The following EPB41L2 variants were observed in gnomAD, a reference collection of about 807,000 sequenced individuals.
The protein encoded by EPB41L2 is band 4.1-like protein 2.
In EPB41L2, 43 loss-of-function variants were observed where a neutral mutation model predicts 113.0. The ratio of observed to expected loss-of-function variants is 0.38; its 90% CI spans 0.30 to 0.49. The LOEUF is 0.49. EPB41L2 is among the 20% of genes least tolerant of loss of function. The pLI, the probability that EPB41L2 is intolerant of heterozygous loss-of-function variation, is 0.95. For synonymous variants in EPB41L2, 442 were observed against 436.7 expected (o/e 1.01, Z -0.15); for missense variants, 1,147 against 1,223.4 (o/e 0.94, Z 0.93).
intron 19 of EPB41L2, among the ~76,000 whole-genome samples, chr6:130,848,670 C>G (rs980385975): frequency 6.6e-6 from 1 of 152,154 alleles, no homozygotes; most frequent in Non-Finnish European, 1.5e-5. Context: ...TATTTTGATG[C>G]AAGAAAGCAT....
chr6:130,878,043 CAATTT>C (rs1299416346), intron 14 of EPB41L2, 56 bp downstream of exon 14: 1 of 1,476,496 alleles, frequency 6.8e-7, no homozygotes, highest in Non-Finnish European at 9.0e-7. Flanking sequence ...TAGAGATTAA[CAATTT>C]AAGTTTTATT....
intron 1 of EPB41L2, among the ~76,000 whole-genome samples, chr6:131,005,632 G>A (rs912925728): frequency 3.7e-4 from 57 of 152,182 alleles, no homozygotes; most frequent in African/African-American, 1.3e-3. Context: ...GCACAGGGCA[G>A]AAGACTATGC....
intron 1 of EPB41L2, among the ~76,000 whole-genome samples, chr6:131,018,227 C>T (rs1788677071): frequency 6.6e-6 from 1 of 152,158 alleles, no homozygotes; most frequent in African/African-American, 2.4e-5. Flanking sequence ...ATTTTCACCT[C>T]TGCAAGACAG....
intron 15 of EPB41L2, 131 bp downstream of exon 15, chr6:130,869,432 C>T (rs1215589457): frequency 2.3e-6 from 2 of 874,042 alleles, no homozygotes; most frequent in East Asian, 5.3e-5. Context: ...CCCCCTTCCT[C>T]CCATGAGAGA....
chr6:130,996,801 G>C (rs1223592037), intron 1 of EPB41L2, among the ~76,000 whole-genome samples: 2 of 152,198 alleles, frequency 1.3e-5, no homozygotes, highest in African/African-American at 4.8e-5. Flanking sequence ...AATTATTCCT[G>C]AAATGTGGGT....
rs1208290961 is a variant in EPB41L2, at chr6:130,867,447, GA to G, written c.2730+11del. 1 of 1,613,716 alleles carries G rather than the reference GA, an allele frequency of 6.2e-7. No individual in the cohort carries two copies. Among genetic ancestry groups the G allele is most frequent in the East Asian group, 2.2e-5 (1 of 44,856 alleles). On this transcript the variant is annotated intron_variant, in intron 16 of 19. Transcript: ENST00000337057. The stretch of plus-strand genomic sequence containing the variant: ...AAAGAGCTCGAACAGTCCAAGTCTA[GA>G]GCTTTTGTACCTGTGGAGACTCATA...
chr6:130,914,919 G>A (rs1800468012), intron 4 of EPB41L2, among the ~76,000 whole-genome samples: 1 of 152,236 alleles, frequency 6.6e-6, no homozygotes, highest in Admixed American at 6.5e-5. Context: ...GGTAAAATAA[G>A]AGACTAATAA....
intron 1 of EPB41L2, among the ~76,000 whole-genome samples, chr6:131,044,045 A>G (rs1794963883): frequency 7.4e-6 from 1 of 134,542 alleles, no homozygotes; most frequent in Non-Finnish European, 1.5e-5. Flanking sequence ...TTTTTGAGAC[A>G]GGGTCTCACT....
chr6:130,920,676 T>G (rs905716704), intron 4 of EPB41L2, among the ~76,000 whole-genome samples: 1 of 152,076 alleles, frequency 6.6e-6, no homozygotes, highest in East Asian at 1.9e-4. Flanking sequence ...GCCTGGCTAA[T>G]TTTTTAATTT....
intron 14 of EPB41L2, among the ~76,000 whole-genome samples, chr6:130,871,845 C>CATT (rs1785792418): frequency 6.6e-6 from 1 of 152,126 alleles, no homozygotes. Context: ...ACACACATTT[C>CATT]ATTATTATTA....
intron 5 of EPB41L2, among the ~76,000 whole-genome samples, chr6:130,906,367 G>A (rs746921207): frequency 1.3e-5 from 2 of 152,082 alleles, no homozygotes; most frequent in East Asian, 1.9e-4. Context: ...TACAAAATAT[G>A]ATATTTTAAA....
intron 16 of EPB41L2, chr6:130,865,837 A>G (rs549933498): frequency 1.1e-4 from 59 of 541,510 alleles, no homozygotes; most frequent in South Asian, 5.1e-4. Context: ...AGCAAACTCA[A>G]CTGTGTGAGT....
Position 130,858,240 on chromosome 6 carries a change from G to A in EPB41L2, c.2914C>T (p.Leu972=), listed in dbSNP as rs754748857. Residue 972 remains leucine (L), a synonymous_variant, in exon 19 of 20, where the codon CTG becomes TTG. Transcript: ENST00000337057. ...GDGDIDHDQA[L]AQAIREAREQ... Reference sequence around the variant, plus strand: ...CTGGCTTCCCTGATCGCCTGAGCCAGTGCCTGCCAGGGTCAGGACAGAGAA... The same window carrying A: ...CTGGCTTCCCTGATCGCCTGAGCCAATGCCTGCCAGGGTCAGGACAGAGAA... The A allele has an allele frequency of 1.2e-6, 2 of 1,611,156 alleles. No individual in the cohort carries two copies. The highest frequency in any genetic ancestry group is 1.7e-5 in the Admixed American group (1 of 59,890).
Position 130,869,694 on chromosome 6 carries a change from C to G in EPB41L2, c.2476G>C (p.Glu826Gln), listed in dbSNP as rs1317291750. The part of the protein sequence containing the change: ...ENVGAQKIPG[E>Q]KSVHEGALKQ... ...AGAGCGCCTTCGTGTACACTCTTCT[C>G]TCCGGGTATCTTTTGGGCACCTACA... is the stretch of plus-strand genomic sequence containing the variant. Residue 826 changes from glutamate (E) to glutamine (Q), a missense_variant, in exon 15 of 20, where the codon GAG becomes CAG. By Grantham distance (29) the Glu-to-Gln change is conservative. Transcript: ENST00000337057. 1 of 1,614,078 alleles carries G rather than the reference C, an allele frequency of 6.2e-7. No individual in the cohort carries two copies. The highest frequency in any genetic ancestry group is 8.5e-7 in the Non-Finnish European group (1 of 1,180,040).
At chr6:131,036,807 G>A (rs1007183424) in intron 1 of EPB41L2, among the ~76,000 whole-genome samples, 7 of 152,112 alleles carry the variant, frequency 4.6e-5, no homozygotes, top group African/African-American at 1.7e-4. Flanking sequence ...ACAGTTATGG[G>A]TTAACTAATA....
In EPB41L2 at chr6:130,894,345, T is replaced by C. The variant is rs147514738; in HGVS notation, c.1486A>G (p.Arg496Gly). The change falls in exon 10 of 20, where the codon AGG becomes GGG. Residue 496 changes from arginine (R) to glycine (G), a missense_variant and splice_region_variant. Arg to Gly is a moderately radical substitution (Grantham distance 125, BLOSUM62 -2). Transcript: ENST00000337057. ...TCCGAGCTGTTTTCCTAAAATTACC[T>C]GTAGAAAGTATGATGCTCCACGCAC... ...KVCVEHHTFY[R>G]LVSPEQPPKA... The C allele has an allele frequency of 1.2e-6, 2 of 1,613,380 alleles. No individual in the cohort carries two copies. Among genetic ancestry groups the C allele is most frequent in the Non-Finnish European group, 1.7e-6 (2 of 1,179,544 alleles).
chr6:130,953,371 T>A (rs7761655), intron 3 of EPB41L2, among the ~76,000 whole-genome samples: 119,019 of 151,892 alleles, frequency 0.78, 47,138 homozygotes, highest in East Asian at 1. Context: ...GTCTCAATGC[T>A]TCCCTCCAAA....
chr6:130,920,210 T>C (rs757008887), intron 4 of EPB41L2, among the ~76,000 whole-genome samples: 1 of 152,224 alleles, frequency 6.6e-6, no homozygotes, highest in Non-Finnish European at 1.5e-5. Context: ...CTGTGCAATA[T>C]GATAGCCACT....
In EPB41L2 at chr6:130,858,143, T is replaced by G. The variant is rs772966149; in HGVS notation, c.3011A>C (p.Glu1004Ala). The change falls in exon 19 of 20, where the codon GAA becomes GCA. Residue 1004 changes from glutamate to alanine, a missense_variant. Physicochemically the swap from Glu to Ala is moderately radical, Grantham distance 107. Transcript: ENST00000337057. ...AGGGCTCTCTTACCTTACTTAATCT[T>G]CCCCTTCCTCAGCCAACTCTGTTTC... ...HKETELAEEG[E>A]D The G allele has an allele frequency of 1.2e-6, 2 of 1,613,220 alleles. No individual in the cohort carries two copies. Among genetic ancestry groups the G allele is most frequent in the East Asian group, 2.2e-5 (1 of 44,866 alleles).
Sources: gnomAD v4.1 joint callset for allele counts (sites outside exome capture counted in the v4.1 genomes callset) on GRCh38, gnomAD v4.1.1 for gene constraint, MANE v1.5 for transcripts, NCBI Gene and HGNC (gene_info 2026-07-23, HGNC 2026-07-21) for gene names.